GRIK2: variants seen among roughly 807,000 people sequenced by gnomAD.
The protein encoded by GRIK2 is glutamate receptor ionotropic, kainate 2.
Under a neutral mutation model 100.3 loss-of-function variants are expected in GRIK2, and 32 were observed. The observed-to-expected ratio is 0.32, with a 90% CI of 0.24 to 0.43. GRIK2 has a LOEUF of 0.43. Among genes scored for constraint, GRIK2 ranks in the 20% least tolerant of loss-of-function variants. The pLI, the probability that GRIK2 is intolerant of heterozygous loss-of-function variation, is 1.00. For missense variants in GRIK2, 843 were observed against 1,114.9 expected (o/e 0.76, Z 3.47); for synonymous variants, 417 against 389.4 (o/e 1.07, Z -0.83).
Position 101,487,154 on chromosome 6 carries a change from G to C in GRIK2, c.115+87762G>C, listed in dbSNP as rs761034719. ...GGTGATATTTTGTCCCAAATGTTTA[G>C]TAATAAGTAATGCTTTAGTATATTA... On this transcript the variant is annotated intron_variant, in intron 2 of 16. Transcript: ENST00000369134. 2.3e-4 allele frequency among the ~76,000 whole-genome samples: 33 copies of C among 146,566 alleles called. 3 individuals carry two copies. The highest frequency in any genetic ancestry group is 4.4e-4 in the Non-Finnish European group (29 of 66,636).
At chr6:101,524,556 T>C (rs1048858785) in intron 2 of GRIK2, among the ~76,000 whole-genome samples, 1 of 152,112 alleles carries the variant, frequency 6.6e-6, no homozygotes, top group African/African-American at 2.4e-5. Context: ...ATTTAATAGA[T>C]ATGTAGAAGA....
At chr6:101,826,597 C>T (rs1782347146) in intron 10 of GRIK2, among the ~76,000 whole-genome samples, 1 of 151,986 alleles carries the variant, frequency 6.6e-6, no homozygotes, top group Admixed American at 6.6e-5. Flanking sequence ...GTACAGTCTC[C>T]TTTCCCATCA....
At position 101,682,580 on chromosome 6, in the gene GRIK2, T is replaced by C; in HGVS notation, c.751T>C (p.Tyr251His). Reference protein sequence around the residue: ...QALAMGMMTEYYHYIFTTLDL... With the variant: ...QALAMGMMTEHYHYIFTTLDL... ...ATTAGCTATGGGAATGATGACAGAA[T>C]ACTATCATTATATCTTTACCACTCT... is the stretch of plus-strand genomic sequence containing the variant. Residue 251 changes from tyrosine (Y) to histidine (H), a missense_variant, in exon 6 of 17, where the codon TAC becomes CAC. Physicochemically the swap from Tyr to His is moderately conservative, Grantham distance 83. Coordinates refer to ENST00000369134, the MANE Select transcript of GRIK2 (RefSeq NM_021956.5). 1 of 1,325,084 alleles carries C rather than the reference T, an allele frequency of 7.5e-7. No individual in the cohort carries two copies. The highest frequency in any genetic ancestry group is 1.1e-6 in the Non-Finnish European group (1 of 925,204). The allele number at this position is 1,325,084 out of a possible 1,614,324, so 82.1% of individuals were successfully genotyped here.
chr6:101,988,504 G>A (rs1297904484), intron 14 of GRIK2, among the ~76,000 whole-genome samples: 2 of 151,774 alleles, frequency 1.3e-5, no homozygotes, highest in African/African-American at 4.8e-5. Flanking sequence ...TGCCTAAATT[G>A]AATTCTGGTT....
At chr6:101,886,794 C>G (rs914481380) in intron 11 of GRIK2, among the ~76,000 whole-genome samples, 2 of 151,018 alleles carry the variant, frequency 1.3e-5, no homozygotes, top group Non-Finnish European at 2.9e-5. Context: ...AGCCCATCCC[C>G]TAGTAACCAC....
chr6:101,405,919 A>G (rs1775569538), intron 2 of GRIK2, among the ~76,000 whole-genome samples: 1 of 152,240 alleles, frequency 6.6e-6, no homozygotes, highest in Admixed American at 6.5e-5. Context: ...AATTTTGAAA[A>G]AAGCTTTTAA....
intron 2 of GRIK2, among the ~76,000 whole-genome samples, chr6:101,581,922 C>T (rs1212540226): frequency 6.6e-6 from 1 of 151,984 alleles, no homozygotes; most frequent in Non-Finnish European, 1.5e-5. Context: ...CCTCACAACC[C>T]AAATCTCACC....
chr6:101,471,282 A>C (rs1165748551), intron 2 of GRIK2, among the ~76,000 whole-genome samples: 3 of 152,000 alleles, frequency 2.0e-5, no homozygotes, highest in Non-Finnish European at 2.9e-5. Context: ...CTCATATTAT[A>C]CCTAATACTA....
chr6:102,025,656 A>G (rs1009464822), intron 14 of GRIK2, among the ~76,000 whole-genome samples: 1 of 151,160 alleles, frequency 6.6e-6, no homozygotes, highest in Admixed American at 6.6e-5. Flanking sequence ...TATAATCATC[A>G]ACTACTTTAT....
At chr6:101,787,400 T>C (rs937232653) in intron 7 of GRIK2, among the ~76,000 whole-genome samples, 1 of 152,004 alleles carries the variant, frequency 6.6e-6, no homozygotes, top group Non-Finnish European at 1.5e-5. Flanking sequence ...CATTAGGTTA[T>C]TTAAAATCTT....
chr6:101,435,372 G>T (rs1327273670), intron 2 of GRIK2, among the ~76,000 whole-genome samples: 1 of 143,970 alleles, frequency 6.9e-6, no homozygotes, highest in African/African-American at 2.6e-5. Flanking sequence ...ACTACATTGT[G>T]AAGGCACACG....
intron 14 of GRIK2, among the ~76,000 whole-genome samples, chr6:101,995,353 AT>A (rs1247400338): frequency 1.3e-5 from 2 of 151,944 alleles, no homozygotes; most frequent in Non-Finnish European, 2.9e-5. Context: ...TTCAAATTTC[AT>A]TTGATTCCAT....
intron 12 of GRIK2, among the ~76,000 whole-genome samples, chr6:101,892,600 G>A (rs1787180102): frequency 6.6e-6 from 1 of 151,690 alleles, no homozygotes; most frequent in South Asian, 2.1e-4. Context: ...TGAACAGATA[G>A]GAAAATGATA....
chr6:101,432,048 C>A (rs1049512901), intron 2 of GRIK2, among the ~76,000 whole-genome samples: 1 of 152,116 alleles, frequency 6.6e-6, no homozygotes, highest in Non-Finnish European at 1.5e-5. Flanking sequence ...AATTAATACT[C>A]TTGCGCATAA....
intron 5 of GRIK2, among the ~76,000 whole-genome samples, chr6:101,678,031 T>C (rs1300677678): frequency 1.3e-5 from 2 of 152,152 alleles, no homozygotes; most frequent in African/African-American, 4.8e-5. Flanking sequence ...TCAAGATTTA[T>C]TTCACATAAT....
At chr6:101,933,809 G>A (rs1790443287) in intron 14 of GRIK2, among the ~76,000 whole-genome samples, 1 of 151,854 alleles carries the variant, frequency 6.6e-6, no homozygotes, top group Non-Finnish European at 1.5e-5. Context: ...AAAACATAGA[G>A]CCCTCTATAG....
chr6:101,537,437 T>TGC (rs1562209260), intron 2 of GRIK2, among the ~76,000 whole-genome samples: 1 of 95,316 alleles, frequency 1.0e-5, no homozygotes, highest in African/African-American at 4.0e-5. Context: ...TTTGTGTGTG[T>TGC]GTGTTTGTGT....
At chr6:102,023,037 A>G (rs1170278056) in intron 14 of GRIK2, among the ~76,000 whole-genome samples, 1 of 151,548 alleles carries the variant, frequency 6.6e-6, no homozygotes, top group Non-Finnish European at 1.5e-5. Flanking sequence ...GCAAGAATGC[A>G]GGAGTGGTTA....
chr6:101,593,841 T>A (rs1236857635), intron 2 of GRIK2, among the ~76,000 whole-genome samples: 1 of 151,874 alleles, frequency 6.6e-6, no homozygotes, highest in Non-Finnish European at 1.5e-5. Context: ...ATTTCTTTTT[T>A]CTCATGCTAT....
Sources: allele counts gnomAD v4.1 joint callset (sites outside exome capture counted in the v4.1 genomes callset), GRCh38; gene constraint gnomAD v4.1.1; transcripts MANE v1.5; gene names NCBI Gene and HGNC (gene_info 2026-07-23, HGNC 2026-07-21).